The following RALGAPA2 variants were observed in gnomAD, a reference collection of about 807,000 sequenced individuals.
The protein encoded by RALGAPA2 is Ral GTPase activating protein catalytic subunit alpha 2.
A neutral mutation model predicts 230.4 loss-of-function variants in RALGAPA2; 139 were observed. The observed-to-expected ratio is 0.60, with a 90% CI of 0.53 to 0.69. RALGAPA2 has a LOEUF of 0.69. Ranked by LOEUF, RALGAPA2 falls within the 30% of genes least tolerant of loss-of-function variation. The pLI, the probability that RALGAPA2 is intolerant of heterozygous loss-of-function variation, is 0.00. For synonymous variants in RALGAPA2, 847 were observed against 837.8 expected (o/e 1.01, Z -0.19); for missense variants, 2,163 against 2,276.0 (o/e 0.95, Z 1.01).
chr20:20,423,992 G>T (rs1176562402), intron 37 of RALGAPA2, among the ~76,000 whole-genome samples: 3 of 152,124 alleles, frequency 2.0e-5, no homozygotes, highest in Admixed American at 6.5e-5. Flanking sequence ...ATGAGAAAAA[G>T]ATTTTCTTCA....
intron 37 of RALGAPA2, among the ~76,000 whole-genome samples, chr20:20,457,847 G>A (rs780892347): frequency 6.6e-6 from 1 of 152,238 alleles, no homozygotes; most frequent in Non-Finnish European, 1.5e-5. Context: ...GTGCACATGT[G>A]TGCGGGGCTC....
At chr20:20,492,105 C>T (rs1355462088) in intron 36 of RALGAPA2, among the ~76,000 whole-genome samples, 1 of 152,104 alleles carries the variant, frequency 6.6e-6, no homozygotes, top group Admixed American at 6.6e-5. Context: ...ACAAATAGCC[C>T]TACATTATTA....
At chr20:20,452,328 A>C (rs969475126) in intron 37 of RALGAPA2, among the ~76,000 whole-genome samples, 5 of 152,240 alleles carry the variant, frequency 3.3e-5, no homozygotes, top group Admixed American at 6.5e-5. Flanking sequence ...AGGGGTTAAA[A>C]GTGTGGGTGT....
intron 23 of RALGAPA2, among the ~76,000 whole-genome samples, chr20:20,551,814 A>G (rs1318329353): frequency 6.6e-6 from 1 of 152,222 alleles, no homozygotes; most frequent in African/African-American, 2.4e-5. Flanking sequence ...TAGAGCGATA[A>G]ATGTGTAAAA....
chr20:20,517,673 A>G (rs947720180), intron 31 of RALGAPA2, among the ~76,000 whole-genome samples: 2 of 152,224 alleles, frequency 1.3e-5, no homozygotes, highest in African/African-American at 2.4e-5. Context: ...TACAATCAGC[A>G]TCTGAGAAAG....
chr20:20,693,119 A>G (rs937366621), intron 1 of RALGAPA2, among the ~76,000 whole-genome samples: 5 of 152,204 alleles, frequency 3.3e-5, no homozygotes, highest in Non-Finnish European at 7.3e-5. Context: ...AGAACATCAA[A>G]TTCTTAGAAA....
intron 9 of RALGAPA2, among the ~76,000 whole-genome samples, chr20:20,631,384 T>G (rs1205487391): frequency 1.3e-5 from 2 of 152,208 alleles, no homozygotes; most frequent in Non-Finnish European, 1.5e-5. Flanking sequence ...AAAAGAGACA[T>G]AACAGATGTG....
chr20:20,429,375 A>C (rs527329639), intron 37 of RALGAPA2, among the ~76,000 whole-genome samples: 6 of 152,332 alleles, frequency 3.9e-5, no homozygotes, highest in African/African-American at 1.2e-4. Context: ...AGGATAGATA[A>C]ATTAGATTCT....
intron 36 of RALGAPA2, among the ~76,000 whole-genome samples, chr20:20,489,668 C>G (rs571285643): frequency 1.4e-3 from 206 of 152,222 alleles, no homozygotes; most frequent in African/African-American, 4.7e-3. Flanking sequence ...TGATTTGGGG[C>G]AATGAGCGCT....
At chr20:20,500,817 G>A (rs1011347586) in intron 35 of RALGAPA2, among the ~76,000 whole-genome samples, 2 of 152,176 alleles carry the variant, frequency 1.3e-5, no homozygotes, top group African/African-American at 4.8e-5. Context: ...TAAATAGTAA[G>A]ACTTGAAAGT....
intron 23 of RALGAPA2, among the ~76,000 whole-genome samples, chr20:20,553,548 T>C (rs1453196809): frequency 6.6e-6 from 1 of 150,712 alleles, no homozygotes; most frequent in African/African-American, 2.5e-5. Flanking sequence ...AGCGAATCTA[T>C]CTTAAAAAAA....
In RALGAPA2 at chr20:20,635,549, T is replaced by C. The variant is rs1603147369; in HGVS notation, c.874A>G (p.Thr292Ala). 6 of 1,593,298 alleles carry C rather than the reference T, an allele frequency of 3.8e-6. No homozygotes were observed. The African/African-American group carries it at 4.1e-5, about 11-fold the overall frequency. ...TTRDNENIYS[T>A]KIPYMAARVV... ...CGAGCTGCCATATATGGAATCTTTGTACTGTAAATGTTCTCATTGTCTCGA... is the reference window on the plus strand; with the variant it reads ...CGAGCTGCCATATATGGAATCTTTGCACTGTAAATGTTCTCATTGTCTCGA... The change falls in exon 9 of 40, where the codon ACA (threonine) becomes GCA (alanine). Residue 292 changes from threonine to alanine, a missense_variant. Physicochemically the swap from Thr to Ala is moderately conservative, Grantham distance 58. Transcript: ENST00000202677.
intron 1 of RALGAPA2, among the ~76,000 whole-genome samples, chr20:20,687,978 C>T (rs966017069): frequency 6.6e-6 from 1 of 152,160 alleles, no homozygotes; most frequent in African/African-American, 2.4e-5. Flanking sequence ...GTTTCGGTAC[C>T]TCCTATGCGT....
rs77681134 is a variant in RALGAPA2, at chr20:20,643,639, A to G, written c.329-90T>C. On this transcript the variant is annotated intron_variant, in intron 4 of 39. Coordinates refer to ENST00000202677, the MANE Select transcript of RALGAPA2 (RefSeq NM_020343.4). ...GAAAATATGTACTTATGACAAAAAT[A>G]TACTTTTTAAAAATAAAAGGAAGAA... 1.9e-3 allele frequency: 2,235 copies of G among 1,176,538 alleles called. 35 individuals are homozygous for G. The African/African-American group carries it at 0.031, about 16-fold the overall frequency. The allele number at this position is 1,176,538 out of a possible 1,614,324, so 72.9% of individuals were successfully genotyped here.
At chr20:20,673,633 A>C (rs2068216989) in intron 3 of RALGAPA2, among the ~76,000 whole-genome samples, 1 of 152,200 alleles carries the variant, frequency 6.6e-6, no homozygotes, top group Non-Finnish European at 1.5e-5. Context: ...CTATCAAAGA[A>C]ATTGAATGAG....
At chr20:20,456,153 A>AC (rs2061113313) in intron 37 of RALGAPA2, among the ~76,000 whole-genome samples, 1 of 152,236 alleles carries the variant, frequency 6.6e-6, no homozygotes, top group African/African-American at 2.4e-5. Flanking sequence ...TGCACATTGT[A>AC]AAGACATCCT....
chr20:20,484,433 G>T (rs2061855847), intron 36 of RALGAPA2, among the ~76,000 whole-genome samples: 1 of 152,070 alleles, frequency 6.6e-6, no homozygotes, highest in Non-Finnish European at 1.5e-5. Flanking sequence ...AGGAGAGGCT[G>T]CTCAGGAAAT....
chr20:20,446,704 G>C (rs1167756296), intron 37 of RALGAPA2, among the ~76,000 whole-genome samples: 4 of 152,180 alleles, frequency 2.6e-5, no homozygotes, highest in African/African-American at 9.7e-5. Context: ...TATTCCACTG[G>C]GCCTGGTGGT....
intron 37 of RALGAPA2, among the ~76,000 whole-genome samples, chr20:20,468,088 G>A (rs778832942): frequency 1.3e-5 from 2 of 151,610 alleles, no homozygotes; most frequent in Non-Finnish European, 2.9e-5. Context: ...TTTTTGCAAC[G>A]TCCAACGTCA....
Sources: allele counts gnomAD v4.1 joint callset (sites outside exome capture counted in the v4.1 genomes callset), GRCh38; gene constraint gnomAD v4.1.1; transcripts MANE v1.5; gene names NCBI Gene and HGNC (gene_info 2026-07-23, HGNC 2026-07-21).